CSTPP1: variants seen among roughly 807,000 people sequenced by gnomAD.
CSTPP1 encodes centriolar satellite-associated tubulin polyglutamylase complex regulator 1.
chr11:47,120,177 T>A, the CSTPP1 span, among the ~76,000 whole-genome samples: 543 of 152,348 alleles, frequency 3.6e-3, 1 homozygote, highest in Non-Finnish European at 5.6e-3. The surrounding 1 kb of genome is among the most constrained non-coding windows in gnomAD (Gnocchi z 4.2). Flanking sequence ...CATGATCATA[T>A]GTTGAGATGC....
the CSTPP1 span, among the ~76,000 whole-genome samples, chr11:47,085,877 CA>C: frequency 1.8e-3 from 167 of 94,736 alleles, no homozygotes; most frequent in Middle Eastern, 7.9e-3. Context: ...AACTCTGTCT[CA>C]AAAAAAAAAA....
chr11:47,079,762 A>G, the CSTPP1 span, among the ~76,000 whole-genome samples: 9 of 152,146 alleles, frequency 5.9e-5, no homozygotes, highest in African/African-American at 1.4e-4. Context: ...ATATTTTCAT[A>G]TATATCTGAA....
At chr11:47,148,172 G>T in the CSTPP1 span, among the ~76,000 whole-genome samples, 1 of 152,148 alleles carries the variant, frequency 6.6e-6, no homozygotes, top group African/African-American at 2.4e-5. Context: ...CCTCCCACCT[G>T]GAGAAGGTAA....
the CSTPP1 span, chr11:46,987,393 G>A: frequency 1.7e-6 from 2 of 1,155,206 alleles, no homozygotes; most frequent in Admixed American, 3.4e-5. Context: ...AACAGAGCAG[G>A]ACAATGCTGA....
At chr11:46,986,887 AG>A in the CSTPP1 span, among the ~76,000 whole-genome samples, 1 of 152,224 alleles carries the variant, frequency 6.6e-6, no homozygotes. Context: ...AAGAACTTCC[AG>A]GTGTATCTGC....
At chr11:46,954,646 A>G in the CSTPP1 span, among the ~76,000 whole-genome samples, 1 of 152,146 alleles carries the variant, frequency 6.6e-6, no homozygotes, top group Non-Finnish European at 1.5e-5. Context: ...AAGTTCAAAG[A>G]ATTGCTGGAT....
the CSTPP1 span, among the ~76,000 whole-genome samples, chr11:46,944,083 C>T: frequency 4.0e-5 from 6 of 151,652 alleles, no homozygotes; most frequent in Admixed American, 2.6e-4. Context: ...TTTGGGAGGC[C>T]GAGGCGGGTG....
At chr11:47,089,046 T>C in the CSTPP1 span, among the ~76,000 whole-genome samples, 1 of 152,280 alleles carries the variant, frequency 6.6e-6, no homozygotes, top group Non-Finnish European at 1.5e-5. Flanking sequence ...TCTTTCTGAG[T>C]GTCCTTTTCT....
the CSTPP1 span, chr11:47,157,268 C>T: frequency 6.6e-7 from 1 of 1,510,222 alleles, no homozygotes; most frequent in Middle Eastern, 2.4e-4. Flanking sequence ...GGGGGTCGGA[C>T]TGCTGGCTGC....
At chr11:46,978,081 ATGTT>A in the CSTPP1 span, among the ~76,000 whole-genome samples, 2 of 152,234 alleles carry the variant, frequency 1.3e-5, no homozygotes, top group Non-Finnish European at 2.9e-5. Flanking sequence ...TACAGTTTGT[ATGTT>A]CATTAAGTAA....
At chr11:47,149,824 T>A in the CSTPP1 span, among the ~76,000 whole-genome samples, 3 of 152,024 alleles carry the variant, frequency 2.0e-5, no homozygotes, top group African/African-American at 7.2e-5. Context: ...TGTCCACCCT[T>A]GGGACAACAC....
the CSTPP1 span, among the ~76,000 whole-genome samples, chr11:46,965,131 G>A: frequency 6.7e-6 from 1 of 149,740 alleles, no homozygotes; most frequent in South Asian, 2.1e-4. Context: ...CTTTCAAAAT[G>A]TTACTATATT....
chr11:47,099,420 T>C, the CSTPP1 span, among the ~76,000 whole-genome samples: 91 of 152,268 alleles, frequency 6.0e-4, no homozygotes, highest in African/African-American at 2.1e-3. Flanking sequence ...CCCACTGCCT[T>C]TGATGTGGTG....
At chr11:47,162,267 T>C in the CSTPP1 span, 2 of 984,922 alleles carry the variant, frequency 2.0e-6, no homozygotes, top group African/African-American at 1.7e-5. Context: ...CTAAAGCTCC[T>C]AGGCTGAGGG....
At chr11:47,128,343 T>G in the CSTPP1 span, among the ~76,000 whole-genome samples, 1 of 152,224 alleles carries the variant, frequency 6.6e-6, no homozygotes, top group Admixed American at 6.5e-5. Flanking sequence ...AAAGGCTTTG[T>G]TTTTATAAAT....
At chr11:46,977,479 A>T in the CSTPP1 span, among the ~76,000 whole-genome samples, 1 of 152,198 alleles carries the variant, frequency 6.6e-6, no homozygotes, top group Non-Finnish European at 1.5e-5. Context: ...TGCATTTTCT[A>T]TATCTTTTTC....
chr11:47,064,202 G>A, the CSTPP1 span, among the ~76,000 whole-genome samples: 3 of 152,038 alleles, frequency 2.0e-5, no homozygotes, highest in Non-Finnish European at 2.9e-5. Context: ...AGTTCTTCAT[G>A]TATTCTGGAT....
At chr11:47,128,159 G>A in the CSTPP1 span, among the ~76,000 whole-genome samples, 1 of 152,248 alleles carries the variant, frequency 6.6e-6, no homozygotes, top group Admixed American at 6.5e-5. Flanking sequence ...ACAGGTGTGA[G>A]CCACCATGCC....
chr11:47,075,629 A>G, the CSTPP1 span, among the ~76,000 whole-genome samples: 1 of 151,978 alleles, frequency 6.6e-6, no homozygotes, highest in African/African-American at 2.4e-5. Flanking sequence ...CAAGAATTGG[A>G]GGTGTCGGCC....
Sources: allele counts gnomAD v4.1 joint callset (sites outside exome capture counted in the v4.1 genomes callset), GRCh38; gene constraint gnomAD v4.1.1; non-coding constraint Gnocchi (gnomAD v3.1); transcripts MANE v1.5; gene names NCBI Gene and HGNC (gene_info 2026-07-23, HGNC 2026-07-21).